Variants in WDR7 observed in about 807,000 individuals in gnomAD.
WDR7 encodes the protein WD repeat domain 7, also known as WD repeat-containing protein 7.
In WDR7, 46 loss-of-function variants were observed where a neutral mutation model predicts 169.4. The ratio of observed to expected loss-of-function variants is 0.27; its 90% CI spans 0.21 to 0.35. The LOEUF (loss-of-function observed/expected upper bound fraction) is 0.35, where lower values mean the gene tolerates loss of function less well. WDR7 is among the 10% of genes least tolerant of loss of function. The pLI, the probability that WDR7 is intolerant of heterozygous loss-of-function variation, is 1.00. For missense variants in WDR7, 1,534 were observed against 1,859.3 expected (o/e 0.83, Z 3.22); for synonymous variants, 612 against 666.8 (o/e 0.92, Z 1.27).
intron 20 of WDR7, among the ~76,000 whole-genome samples, chr18:56,857,581 G>A (rs1024703829): frequency 6.6e-6 from 1 of 151,938 alleles, no homozygotes; most frequent in Admixed American, 6.6e-5. Context: ...TTACGTACAC[G>A]CCTATGCATA....
Position 56,756,211 on chromosome 18 carries a change from G to A in WDR7, c.1990-372G>A, listed in dbSNP as rs1251354916. Among the ~76,000 whole-genome samples, 8 of 152,158 alleles carry A rather than the reference G, an allele frequency of 5.3e-5. No homozygotes were observed. In the East Asian group the frequency reaches 9.7e-4, roughly 18 times the overall value. ...TAAAGGATCAGGAGCCACGATAAACGGATTATTCCATCAGGTGGAACAGTA... is the reference window on the plus strand; with the variant it reads ...TAAAGGATCAGGAGCCACGATAAACAGATTATTCCATCAGGTGGAACAGTA... On this transcript the variant is annotated intron_variant, in intron 14 of 27. Coordinates refer to ENST00000254442, the MANE Select transcript of WDR7 (RefSeq NM_015285.3).
chr18:57,015,607 A>G (rs1191926465), intron 26 of WDR7, among the ~76,000 whole-genome samples: 2 of 152,200 alleles, frequency 1.3e-5, no homozygotes, highest in Non-Finnish European at 2.9e-5. Flanking sequence ...CAGCCATGAA[A>G]TCTACGGGCT....
chr18:56,878,342 C>T (rs560852197), intron 20 of WDR7, among the ~76,000 whole-genome samples: 43 of 152,286 alleles, frequency 2.8e-4, no homozygotes, highest in African/African-American at 8.9e-4. Context: ...TTCTCCTCCT[C>T]GTATGGCCCA....
rs376765624 is a variant in WDR7 at position 56,731,368 on chromosome 18, A to G, written c.1775-15A>G. ...GTAGTGTTATGAAATATTTGTGAAT[A>G]TATTTTTCTCGCAGGTGCATTGGAT... On this transcript the variant is annotated splice_polypyrimidine_tract_variant and intron_variant, in intron 13 of 27. Coordinates refer to ENST00000254442, the MANE Select transcript of WDR7 (RefSeq NM_015285.3). 61 of 1,609,084 alleles carry G rather than the reference A, an allele frequency of 3.8e-5. No individual in the cohort carries two copies. Among genetic ancestry groups the G allele is most frequent in the Non-Finnish European group, 4.8e-5 (56 of 1,176,064 alleles).
chr18:56,685,307 A>G (rs957867765), intron 5 of WDR7, among the ~76,000 whole-genome samples: 4 of 152,146 alleles, frequency 2.6e-5, no homozygotes, highest in Admixed American at 2.6e-4. Context: ...TGTATTTAAG[A>G]TAGTTTGTTA....
At position 56,858,394 on chromosome 18, in the gene WDR7, C is replaced by G. The variant is rs1475802182; in HGVS notation, c.3305-21550C>G. ...CAAAAATTTCCGTGGCTTGTCATTG[C>G]TTTTAGAATATAATCTCCTTAGCCT... On this transcript the variant is annotated intron_variant, in intron 20 of 27. Transcript: ENST00000254442. Among the ~76,000 whole-genome samples, 5 of 152,154 alleles carry G rather than the reference C, an allele frequency of 3.3e-5. No homozygotes were observed. The East Asian group carries it at 9.6e-4, about 29-fold the overall frequency.
At chr18:56,704,704 A>G (rs2144680949) in intron 12 of WDR7, among the ~76,000 whole-genome samples, 1 of 152,332 alleles carries the variant, frequency 6.6e-6, no homozygotes, top group Non-Finnish European at 1.5e-5. Flanking sequence ...CAGTAATGAG[A>G]AAGACTGCAT....
intron 1 of WDR7, among the ~76,000 whole-genome samples, chr18:56,653,290 TC>T (rs1159921343): frequency 1.3e-5 from 2 of 151,958 alleles, no homozygotes; most frequent in Non-Finnish European, 2.9e-5. Context: ...CACTGCAACC[TC>T]CCCATCCCGG....
At chr18:56,750,177 A>G (rs937746868) in intron 14 of WDR7, among the ~76,000 whole-genome samples, 5 of 152,150 alleles carry the variant, frequency 3.3e-5, no homozygotes, top group African/African-American at 9.7e-5. Flanking sequence ...ACTTTCAGCA[A>G]TGAGGAAGCA....
At chr18:56,672,205 T>C (rs987655112) in intron 1 of WDR7, among the ~76,000 whole-genome samples, 2 of 152,218 alleles carry the variant, frequency 1.3e-5, no homozygotes, top group Admixed American at 6.5e-5. Flanking sequence ...ATTGGCCTTT[T>C]ATTAGTAAAT....
chr18:56,988,408 A>G (rs1262400607), intron 26 of WDR7, among the ~76,000 whole-genome samples: 1 of 152,208 alleles, frequency 6.6e-6, no homozygotes, highest in Non-Finnish European at 1.5e-5. Context: ...AGCCAATCCA[A>G]ATTGGTGCTT....
chr18:56,796,278 C>T (rs184653327), intron 19 of WDR7, among the ~76,000 whole-genome samples: 16 of 152,312 alleles, frequency 1.1e-4, no homozygotes, highest in African/African-American at 3.8e-4. Context: ...TCCTTCACCT[C>T]CATTTGAAGA....
intron 25 of WDR7, among the ~76,000 whole-genome samples, chr18:56,947,288 ATGAATC>A (rs1342927236): frequency 5.3e-5 from 8 of 152,208 alleles, no homozygotes; most frequent in Middle Eastern, 3.2e-3. Flanking sequence ...CATTTAAGAA[ATGAATC>A]TCTGTTGGTT....
chr18:57,003,430 CT>C (rs1644822347), intron 26 of WDR7, among the ~76,000 whole-genome samples: 1 of 151,824 alleles, frequency 6.6e-6, no homozygotes, highest in Admixed American at 6.6e-5. Context: ...TTTTAAAGTC[CT>C]TTAAAAAGTC....
intron 19 of WDR7, among the ~76,000 whole-genome samples, chr18:56,809,290 C>T (rs1430053142): frequency 6.6e-6 from 1 of 151,986 alleles, no homozygotes; most frequent in African/African-American, 2.4e-5. Flanking sequence ...TTTATCATAT[C>T]TCTTTCCCCA....
intron 20 of WDR7, among the ~76,000 whole-genome samples, chr18:56,848,163 C>A (rs1013257891): frequency 1.3e-5 from 2 of 152,222 alleles, no homozygotes; most frequent in African/African-American, 4.8e-5. Context: ...CTACCCCTTG[C>A]ACAGTGTGTC....
intron 13 of WDR7, among the ~76,000 whole-genome samples, chr18:56,728,773 C>T (rs2026517769): frequency 1.3e-5 from 2 of 152,182 alleles, no homozygotes; most frequent in Non-Finnish European, 2.9e-5. Context: ...ACTCCCTCCT[C>T]TCTCCACTCA....
intron 20 of WDR7, among the ~76,000 whole-genome samples, chr18:56,856,693 C>A (rs1487553674): frequency 1.3e-5 from 2 of 151,818 alleles, no homozygotes; most frequent in Non-Finnish European, 2.9e-5. Context: ...CACATTGATA[C>A]CTCATATGAT....
intron 20 of WDR7, among the ~76,000 whole-genome samples, chr18:56,859,934 T>C (rs2045779153): frequency 6.6e-6 from 1 of 152,200 alleles, no homozygotes; most frequent in Admixed American, 6.5e-5. Context: ...TTTATGGTTT[T>C]AGTAGCATTG....
Sources: allele counts gnomAD v4.1 joint callset (sites outside exome capture counted in the v4.1 genomes callset), GRCh38; gene constraint gnomAD v4.1.1; transcripts MANE v1.5; gene names NCBI Gene and HGNC (gene_info 2026-07-23, HGNC 2026-07-21).